Variants in MAGI2 observed in about 807,000 individuals in gnomAD.
MAGI2 encodes membrane-associated guanylate kinase, WW and PDZ domain-containing protein 2.
MAGI2 carries 35 observed loss-of-function variants against 133.3 expected under a neutral mutation model. The ratio of observed to expected loss-of-function variants is 0.26; its 90% CI spans 0.20 to 0.35. The LOEUF (loss-of-function observed/expected upper bound fraction) is 0.35, where lower values mean the gene tolerates loss of function less well. Among genes scored for constraint, MAGI2 ranks in the 10% least tolerant of loss-of-function variants. The pLI is 1.00. For missense variants in MAGI2, 1,636 were observed against 1,863.4 expected (o/e 0.88, Z 2.25); for synonymous variants, 729 against 710.6 (o/e 1.03, Z -0.41).
chr7:78,057,738 A>C (rs1436676365), intron 21 of MAGI2, among the ~76,000 whole-genome samples: 1 of 151,848 alleles, frequency 6.6e-6, no homozygotes, highest in Admixed American at 6.5e-5. Flanking sequence ...ACATGGTTTC[A>C]CTGTATTTGA....
intron 1 of MAGI2, among the ~76,000 whole-genome samples, chr7:79,206,491 C>A (rs1241226173): frequency 1.3e-5 from 2 of 151,644 alleles, no homozygotes; most frequent in Non-Finnish European, 2.9e-5. Context: ...AATTCCTTGA[C>A]ACATGCTACC....
chr7:78,320,293 C>A (rs373918986), intron 9 of MAGI2, among the ~76,000 whole-genome samples: 25 of 152,218 alleles, frequency 1.6e-4, no homozygotes, highest in African/African-American at 5.8e-4. Context: ...CATCCCGATA[C>A]CAAAACCTGG....
chr7:79,339,458 G>GTTTTTT (rs1474615393), intron 1 of MAGI2, among the ~76,000 whole-genome samples: 2 of 103,394 alleles, frequency 1.9e-5, no homozygotes, highest in African/African-American at 1.1e-4. Context: ...GTTTGTTTTT[G>GTTTTTT]TTTTTGTTTT....
At chr7:79,342,900 C>A (rs1334271084) in intron 1 of MAGI2, among the ~76,000 whole-genome samples, 1 of 152,010 alleles carries the variant, frequency 6.6e-6, no homozygotes, top group Non-Finnish European at 1.5e-5. Context: ...GCTGGGATTA[C>A]AGGCACGTGC....
At chr7:79,294,075 G>A (rs570161803) in intron 1 of MAGI2, among the ~76,000 whole-genome samples, 34 of 151,704 alleles carry the variant, frequency 2.2e-4, no homozygotes, top group African/African-American at 7.7e-4. Flanking sequence ...CCCCTCAGGA[G>A]GCTGAGGCAA....
intron 2 of MAGI2, among the ~76,000 whole-genome samples, chr7:78,820,645 A>G (rs1444227794): frequency 1.3e-5 from 2 of 151,980 alleles, no homozygotes; most frequent in African/African-American, 2.4e-5. Context: ...AACAAAGAAT[A>G]AAGATGATAT....
intron 19 of MAGI2, among the ~76,000 whole-genome samples, chr7:78,126,842 G>A (rs2150513756): frequency 6.6e-6 from 1 of 152,286 alleles, no homozygotes; most frequent in Middle Eastern, 3.4e-3. Flanking sequence ...AAAATTTTCT[G>A]CATTAGCAGC....
intron 1 of MAGI2, among the ~76,000 whole-genome samples, chr7:79,320,991 T>G (rs1326242640): frequency 6.6e-6 from 1 of 152,160 alleles, no homozygotes; most frequent in Non-Finnish European, 1.5e-5. Flanking sequence ...TGTTCAGAAT[T>G]GTATACTGTG....
In MAGI2 at chr7:78,501,603, T is replaced by C. The variant is rs1041932902; in HGVS notation, c.939A>G (p.Thr313=). The C allele has an allele frequency of 6.2e-7, 1 of 1,614,140 alleles. No individual in the cohort carries two copies. Among genetic ancestry groups the C allele is most frequent in the Non-Finnish European group, 8.5e-7 (1 of 1,180,020 alleles). The change falls in exon 5 of 22, where the codon ACA becomes ACG. Residue 313 remains threonine, a synonymous_variant. Coordinates refer to ENST00000354212, the MANE Select transcript of MAGI2 (RefSeq NM_012301.4). The part of the protein sequence containing the change: ...PLPDNWEMAY[T]EKGEVYFIDH... ...CAATGAAGTAGACTTCGCCCTTCTC[T>C]GTATAGGCCATTTCCCAGTTATCAG... is the stretch of plus-strand genomic sequence containing the variant.
chr7:78,776,347 C>A (rs575011811), intron 2 of MAGI2, among the ~76,000 whole-genome samples: 1 of 152,238 alleles, frequency 6.6e-6, no homozygotes, highest in African/African-American at 2.4e-5. Flanking sequence ...AATTAGGAAG[C>A]TACACTTACT....
intron 1 of MAGI2, among the ~76,000 whole-genome samples, chr7:79,188,708 T>A (rs150028816): frequency 0.013 from 1,994 of 151,974 alleles, 18 homozygotes; most frequent in Non-Finnish European, 0.018. Context: ...ATCACCTTTC[T>A]TTTTATAAAG....
At chr7:79,109,016 C>T (rs952042548) in intron 1 of MAGI2, among the ~76,000 whole-genome samples, 10 of 152,212 alleles carry the variant, frequency 6.6e-5, no homozygotes, top group African/African-American at 2.2e-4. Context: ...TAGTACCATG[C>T]TTCCTGTACA....
chr7:79,318,919 CCCCATATCCCATTAAGTATTTG>C (rs1464768828), intron 1 of MAGI2, among the ~76,000 whole-genome samples: 1 of 152,110 alleles, frequency 6.6e-6, no homozygotes, highest in Non-Finnish European at 1.5e-5. Context: ...ATCATCATTT[CCCCATATCCCATTAAGTATTTG>C]CATTATAAAT....
chr7:78,561,384 G>C (rs1258226969), intron 3 of MAGI2, among the ~76,000 whole-genome samples: 1 of 152,158 alleles, frequency 6.6e-6, no homozygotes, highest in African/African-American at 2.4e-5. Context: ...TATGCATGTT[G>C]AAATATAGGT....
rs143174796 is a variant in MAGI2 at position 78,879,161 on chromosome 7, C to A, written c.418+127929G>T. Among the ~76,000 whole-genome samples the A allele has an allele frequency of 3.1e-3, 467 of 152,206 alleles. 4 individuals carry two copies. Among genetic ancestry groups the A allele is most frequent in the African/African-American group, 0.011 (443 of 41,518 alleles). On this transcript the variant is annotated intron_variant, in intron 2 of 21. Coordinates refer to ENST00000354212, the MANE Select transcript of MAGI2 (RefSeq NM_012301.4). ...GATGCTTAGTAGCCACCCACTGGAGCCCCCATTGGCATAAATGCTTGTACT... is the reference window on the plus strand; with the variant it reads ...GATGCTTAGTAGCCACCCACTGGAGACCCCATTGGCATAAATGCTTGTACT...
chr7:79,099,809 T>C (rs540941276), intron 1 of MAGI2, among the ~76,000 whole-genome samples: 1 of 152,322 alleles, frequency 6.6e-6, no homozygotes, highest in African/African-American at 2.4e-5. Flanking sequence ...TGTGATCTTG[T>C]CCTTTTTTTT....
chr7:78,658,146 A>T (rs1812511184), intron 2 of MAGI2, among the ~76,000 whole-genome samples: 1 of 152,172 alleles, frequency 6.6e-6, no homozygotes, highest in Non-Finnish European at 1.5e-5. Flanking sequence ...TTTTTGTACT[A>T]CAAGTTCAAT....
chr7:78,221,000 A>G (rs1474332735), intron 10 of MAGI2, among the ~76,000 whole-genome samples: 2 of 152,190 alleles, frequency 1.3e-5, no homozygotes, highest in Admixed American at 6.5e-5. Flanking sequence ...CTCTAAGGCT[A>G]CCGTACCTGT....
chr7:78,704,833 T>A lies in MAGI2; in HGVS notation c.419-77594A>T, dbSNP rs184784941. On this transcript the variant is annotated intron_variant, in intron 2 of 21. Coordinates refer to ENST00000354212, the MANE Select transcript of MAGI2 (RefSeq NM_012301.4). The stretch of plus-strand genomic sequence containing the variant: ...TTTTACTCTGTTGCCCAGGCTGGAG[T>A]GCAATGGCATGACCTTGGCTCACTG... Among the ~76,000 whole-genome samples, 7 of 142,794 alleles carry A rather than the reference T, an allele frequency of 4.9e-5. No individual in the cohort carries two copies. The East Asian group carries it at 1.3e-3, about 26-fold the overall frequency. The allele number at this position is 142,794 out of a possible 152,430, so 93.7% of individuals were successfully genotyped here.
Sources: gnomAD v4.1 joint callset for allele counts (sites outside exome capture counted in the v4.1 genomes callset) on GRCh38, gnomAD v4.1.1 for gene constraint, MANE v1.5 for transcripts, NCBI Gene and HGNC (gene_info 2026-07-23, HGNC 2026-07-21) for gene names.